FAM83C: variants seen among roughly 807,000 people sequenced by gnomAD.
FAM83C encodes protein FAM83C.
A neutral mutation model predicts 27.1 loss-of-function variants in FAM83C; 23 were observed. The observed-to-expected ratio is 0.85, with a 90% CI of 0.61 to 1.20. The LOEUF (loss-of-function observed/expected upper bound fraction) is 1.20, where lower values mean the gene tolerates loss of function less well. Among genes scored for constraint, FAM83C ranks in the 50% most tolerant of loss-of-function variants. The pLI, the probability that FAM83C is intolerant of heterozygous loss-of-function variation, is 0.00. For missense variants in FAM83C, 984 were observed against 1,001.3 expected (o/e 0.98, Z 0.23); for synonymous variants, 426 against 423.1 (o/e 1.01, Z -0.09).
Position 35,292,092 on chromosome 20 carries a change from G to T in FAM83C, c.213C>A (p.Pro71=). 3.1e-6 allele frequency: 5 copies of T among 1,608,162 alleles called. No homozygotes were observed. The highest frequency in any genetic ancestry group is 2.5e-6 in the Non-Finnish European group (3 of 1,179,928). ...LRVISEEREL[P]FLSALDVDYM... The stretch of plus-strand genomic sequence containing the variant: ...AGTCCACATCCAGGGCGCTCAGGAA[G>T]GGCAGCTCCCGCTCCTCGGAGATGA... The change falls in exon 1 of 4, where the codon CCC becomes CCA. Residue 71 remains proline, a synonymous_variant. Transcript: ENST00000374408.
chr20:35,287,085 C>T lies in FAM83C; in HGVS notation c.1694G>A (p.Gly565Glu), dbSNP rs1238767543. 2 of 1,605,060 alleles carry T rather than the reference C, an allele frequency of 1.2e-6. No homozygotes were observed. Among genetic ancestry groups the T allele is most frequent in the East Asian group, 4.5e-5 (2 of 44,872 alleles). Reference protein sequence around the residue: ...LDLLSRALGTGGAPELGSLRP... With the variant: ...LDLLSRALGTEGAPELGSLRP... ...GAGGGAACCCAACTCAGGGGCACCC[C>T]CAGTACCCAGGGCTCGGGACAGGAG... The change falls in exon 4 of 4, where the codon GGG becomes GAG. Residue 565 changes from glycine to glutamate, a missense_variant. By Grantham distance (98) the Gly-to-Glu change is moderately conservative (BLOSUM62 -2). Coordinates refer to ENST00000374408, the MANE Select transcript of FAM83C (RefSeq NM_178468.6).
rs2060831933 is a variant in FAM83C at position 35,287,458 on chromosome 20, C to T, written c.1321G>A (p.Val441Met). The T allele has an allele frequency of 1.2e-6, 2 of 1,614,192 alleles. No homozygotes were observed. The highest frequency in any genetic ancestry group is 1.1e-5 in the South Asian group (1 of 91,092). The change falls in exon 4 of 4, where the codon GTG (valine) becomes ATG (methionine). Residue 441 changes from valine (V) to methionine (M), a missense_variant. Transcript: ENST00000374408. Reference protein sequence around the residue: ...HNSTSPLTLAVGSPLLPRSRP... With the variant: ...HNSTSPLTLAMGSPLLPRSRP... ...GAGCGAGGAAGCAGAGGTGACCCCA[C>T]TGCCAAGGTTAAGGGGCTGGTACTA...
chr20:35,291,485 C>G (rs2060846694), intron 1 of FAM83C, among the ~76,000 whole-genome samples: 1 of 152,216 alleles, frequency 6.6e-6, no homozygotes. Context: ...GGAGCATCTT[C>G]CAAGGTAAAG....
rs1417329031 is a variant in FAM83C, at chr20:35,287,462, C to T, written c.1317G>A (p.Leu439=). The part of the protein sequence containing the change: ...LNHNSTSPLT[L]AVGSPLLPRS... ...GAGGAAGCAGAGGTGACCCCACTGCCAAGGTTAAGGGGCTGGTACTATTAT... is the reference window on the plus strand; with the variant it reads ...GAGGAAGCAGAGGTGACCCCACTGCTAAGGTTAAGGGGCTGGTACTATTAT... The change falls in exon 4 of 4, where the codon TTG becomes TTA. Residue 439 remains leucine, a synonymous_variant. Coordinates refer to ENST00000374408, the MANE Select transcript of FAM83C (RefSeq NM_178468.6). 6.2e-7 allele frequency: 1 copy of T among 1,614,154 alleles called. No individual in the cohort carries two copies.
rs775578861 is a variant in FAM83C at position 35,287,282 on chromosome 20, T to C, written c.1497A>G (p.Ala499=). The C allele has an allele frequency of 1.2e-6, 2 of 1,613,216 alleles. No individual in the cohort carries two copies. Among genetic ancestry groups the C allele is most frequent in the African/African-American group, 1.3e-5 (1 of 74,924 alleles). The change falls in exon 4 of 4, where the codon GCA becomes GCG. Residue 499 remains alanine, a synonymous_variant. Coordinates refer to ENST00000374408, the MANE Select transcript of FAM83C (RefSeq NM_178468.6). The stretch of plus-strand genomic sequence containing the variant: ...GCTGGCCACGGCTCTGACTTGGAGA[T>C]GCCTTCTTCTCCTTCTCCTCCACTG... The part of the protein sequence containing the change: ...LETVEEKEKK[A]SPSQSRGQLD...
chr20:35,287,161 C>A lies in FAM83C; in HGVS notation c.1618G>T (p.Ala540Ser). Residue 540 changes from alanine to serine, a missense_variant, in exon 4 of 4, where the codon GCC becomes TCC. Physicochemically the swap from Ala to Ser is moderately conservative, Grantham distance 99. Coordinates refer to ENST00000374408, the MANE Select transcript of FAM83C (RefSeq NM_178468.6). ...NSGPLRPGEQ[A>S]PEDRRLSPSQ... Reference sequence around the variant, plus strand: ...GGGGACAACCTCCTGTCCTCTGGGGCCTGCTCGCCAGGCCGAAGGGGGCCT... The same window carrying A: ...GGGGACAACCTCCTGTCCTCTGGGGACTGCTCGCCAGGCCGAAGGGGGCCT... The A allele has an allele frequency of 3.1e-6, 5 of 1,606,242 alleles. No homozygotes were observed. The highest frequency in any genetic ancestry group is 4.2e-6 in the Non-Finnish European group (5 of 1,179,204).
Position 35,286,518 on chromosome 20 carries a change from C to G in FAM83C, c.*17G>C. 6.3e-7 allele frequency: 1 copy of G among 1,585,432 alleles called. No homozygotes were observed. Among genetic ancestry groups the G allele is most frequent in the Non-Finnish European group, 8.6e-7 (1 of 1,166,400 alleles). ...GGGCCTGCCCTTGCCAGTGCACCCC[C>G]GATGCCAGTCCTTTGGCTAGGACTC... On this transcript the variant is annotated 3_prime_UTR_variant, in exon 4 of 4. Coordinates refer to ENST00000374408, the MANE Select transcript of FAM83C (RefSeq NM_178468.6).
intron 2 of FAM83C, 90 bp from the exon 3 acceptor site, chr20:35,288,675 G>A: frequency 1.3e-6 from 2 of 1,567,662 alleles, no homozygotes; most frequent in Admixed American, 3.5e-5. Flanking sequence ...AGACAGCTAA[G>A]GGAACCCACC....
chr20:35,286,512 C>A lies in FAM83C; in HGVS notation c.*23G>T. 6.3e-7 allele frequency: 1 copy of A among 1,575,074 alleles called. No individual in the cohort carries two copies. Among genetic ancestry groups the A allele is most frequent in the Non-Finnish European group, 8.6e-7 (1 of 1,161,676 alleles). Reference sequence around the variant, plus strand: ...GAGGAGGGGCCTGCCCTTGCCAGTGCACCCCCGATGCCAGTCCTTTGGCTA... The same window carrying A: ...GAGGAGGGGCCTGCCCTTGCCAGTGAACCCCCGATGCCAGTCCTTTGGCTA... On this transcript the variant is annotated 3_prime_UTR_variant, in exon 4 of 4. Transcript: ENST00000374408.
At chr20:35,291,279 C>T (rs956195881) in intron 1 of FAM83C, among the ~76,000 whole-genome samples, 1 of 152,192 alleles carries the variant, frequency 6.6e-6, no homozygotes, top group Non-Finnish European at 1.5e-5. Flanking sequence ...GTCCCCAGGA[C>T]CCAAGTCAGA....
intron 2 of FAM83C, 73 bp downstream of exon 2, chr20:35,288,718 C>A: frequency 6.6e-7 from 1 of 1,504,236 alleles, no homozygotes. Flanking sequence ...TGCTGACTGG[C>A]CACCCACTGG....
rs2060822292 is a variant in FAM83C, at chr20:35,286,090, T to A, written c.*445A>T. The A allele has an allele frequency of 5.9e-6, 1 of 168,196 alleles. No homozygotes were observed. Among genetic ancestry groups the A allele is most frequent in the African/African-American group, 2.4e-5 (1 of 41,600 alleles). The allele number at this position is 168,196 out of a possible 1,614,324, so 10.4% of individuals were successfully genotyped here. A position where few individuals can be genotyped will look rare whatever the true frequency, so the allele number is the denominator to read the frequency against. ...CCTCCCTCTGTCCAAAACCTCCCCA[T>A]CCTTCAGGGCCTGGCTCAAAGGCCA... On this transcript the variant is annotated 3_prime_UTR_variant, in exon 4 of 4. Transcript: ENST00000374408.
chr20:35,290,678 C>A (rs771348615), intron 1 of FAM83C, among the ~76,000 whole-genome samples: 1 of 152,142 alleles, frequency 6.6e-6, no homozygotes, highest in Non-Finnish European at 1.5e-5. Flanking sequence ...GCTGAGAAGG[C>A]GAGGCACTGG....
At position 35,292,415 on chromosome 20, in the gene FAM83C, G is replaced by A; in HGVS notation, c.-111C>T. On this transcript the variant is annotated 5_prime_UTR_variant, in exon 1 of 4. Coordinates refer to ENST00000374408, the MANE Select transcript of FAM83C (RefSeq NM_178468.6). ...ACCGCCTTCTGCCCGCCCGCTCGCT[G>A]TGTGTGTGGCAGGGCCCCCAAACTG... The A allele has an allele frequency of 7.2e-7, 1 of 1,388,432 alleles. No homozygotes were observed. Among genetic ancestry groups the A allele is most frequent in the Non-Finnish European group, 9.4e-7 (1 of 1,062,068 alleles). The allele number at this position is 1,388,432 out of a possible 1,614,324, so 86.0% of individuals were successfully genotyped here.
chr20:35,287,611 C>T lies in FAM83C; in HGVS notation c.1168G>A (p.Gly390Ser). ...SLGPARREAS[G>S]QPSLHRQLSD... is the part of the protein sequence containing the mutation. ...AGTTGGCGATGTAGGGAGGGCTGGC[C>T]ACTGGCCTCACGGCGGGCAGGACCC... is the stretch of plus-strand genomic sequence containing the variant. Residue 390 changes from glycine (G) to serine (S), a missense_variant, in exon 4 of 4, where the codon GGC (glycine) becomes AGC (serine). By Grantham distance (56) the Gly-to-Ser change is moderately conservative. Coordinates refer to ENST00000374408, the MANE Select transcript of FAM83C (RefSeq NM_178468.6). 3 of 1,614,098 alleles carry T rather than the reference C, an allele frequency of 1.9e-6. No individual in the cohort carries two copies. Among genetic ancestry groups the T allele is most frequent in the Non-Finnish European group, 2.5e-6 (3 of 1,179,982 alleles).
In FAM83C at chr20:35,286,794, G is replaced by C. The variant is rs200441982; in HGVS notation, c.1985C>G (p.Thr662Arg). ...CTCATCCCCAGACCCAGCTCCAGCC[G>C]TGCGAGCAGGGCTTGATATCGGGAG... The part of the protein sequence containing the change: ...NGLPISSPAR[T>R]AGAGSGDEKR... Residue 662 changes from threonine (T) to arginine (R), a missense_variant, in exon 4 of 4, where the codon ACG (threonine) becomes AGG (arginine). Transcript: ENST00000374408. The C allele has an allele frequency of 6.2e-7, 1 of 1,613,996 alleles. No individual in the cohort carries two copies. The highest frequency in any genetic ancestry group is 8.5e-7 in the Non-Finnish European group (1 of 1,179,966).
rs1168216804 is a variant in FAM83C, at chr20:35,287,847, C to T, written c.932G>A (p.Cys311Tyr). The change falls in exon 4 of 4, where the codon TGT becomes TAT. Residue 311 changes from cysteine to tyrosine, a missense_variant. Transcript: ENST00000374408. Reference protein sequence around the residue: ...YAESQPVEGFCGGEDPLSPRA... With the variant: ...YAESQPVEGFYGGEDPLSPRA... Reference sequence around the variant, plus strand: ...GGGAGACAGCGGGTCCTCACCGCCACAGAAGCCCTCCACAGGCTGCGACTC... The same window carrying T: ...GGGAGACAGCGGGTCCTCACCGCCATAGAAGCCCTCCACAGGCTGCGACTC... 2 of 1,570,028 alleles carry T rather than the reference C, an allele frequency of 1.3e-6. No homozygotes were observed. Among genetic ancestry groups the T allele is most frequent in the Admixed American group, 1.9e-5 (1 of 53,410 alleles).
At chr20:35,288,081 C>G (rs2060835410) in intron 3 of FAM83C, 109 bp from the exon 4 acceptor site, 1 of 939,124 alleles carries the variant, frequency 1.1e-6, no homozygotes, top group African/African-American at 1.7e-5. Flanking sequence ...GACCCAAACC[C>G]CACCACCACG....
rs757335950 is a variant in FAM83C, at chr20:35,287,318, T to C, written c.1461A>G (p.Thr487=). 3 of 1,613,586 alleles carry C rather than the reference T, an allele frequency of 1.9e-6. No homozygotes were observed. The highest frequency in any genetic ancestry group is 2.5e-6 in the Non-Finnish European group (3 of 1,180,036). ...CCTTCTCCTCCACTGTCTCCAGGGT[T>C]GTGCCAGGTACCCATCGACCCCGCA... The part of the protein sequence containing the change: ...SPLRGRWVPG[T]TLETVEEKEK... Residue 487 remains threonine (T), a synonymous_variant, in exon 4 of 4, where the codon ACA becomes ACG. Coordinates refer to ENST00000374408, the MANE Select transcript of FAM83C (RefSeq NM_178468.6).
Sources: gnomAD v4.1 joint callset for allele counts (sites outside exome capture counted in the v4.1 genomes callset) on GRCh38, gnomAD v4.1.1 for gene constraint, MANE v1.5 for transcripts, NCBI Gene and HGNC (gene_info 2026-07-23, HGNC 2026-07-21) for gene names.